The following B9D1 variants were observed in gnomAD, a reference collection of about 807,000 sequenced individuals.
B9D1 encodes B9 domain-containing protein 1.
Under a neutral mutation model 26.1 loss-of-function variants are expected in B9D1, and 20 were observed. That is an observed-to-expected ratio of 0.77 (90% CI 0.54 to 1.12). The LOEUF is 1.12. Ranked by LOEUF, B9D1 falls within the 50% of genes most tolerant of loss-of-function variation. B9D1 has a pLI of 0.00. For synonymous variants in B9D1, 105 were observed against 103.1 expected (o/e 1.02, Z -0.11); for missense variants, 260 against 273.7 (o/e 0.95, Z 0.35).
At chr17:19,358,353 C>T (rs763798958) in intron 2 of B9D1, among the ~76,000 whole-genome samples, 4 of 152,202 alleles carry the variant, frequency 2.6e-5, no homozygotes, top group Non-Finnish European at 5.9e-5. Flanking sequence ...TTCAACTCTG[C>T]GGCTTCTTCC....
chr17:19,337,166 G>A (rs925468100), downstream of B9D1, among the ~76,000 whole-genome samples: 12 of 152,234 alleles, frequency 7.9e-5, no homozygotes, highest in African/African-American at 2.4e-4. Context: ...GAGGGAGTGC[G>A]TGGAGCTGCC....
chr17:19,366,655 A>C (rs974365947), upstream of B9D1, among the ~76,000 whole-genome samples: 1 of 152,084 alleles, frequency 6.6e-6, no homozygotes, highest in Non-Finnish European at 1.5e-5. Flanking sequence ...CAAGTCCCCA[A>C]ATCATTTCTC....
At chr17:19,335,150 T>A (rs1228695368), downstream of B9D1, 1 of 311,398 alleles carries the variant, frequency 3.2e-6, no homozygotes, top group Non-Finnish European at 5.8e-6. Flanking sequence ...GGAATTTGAT[T>A]ACACATAGAT....
chr17:19,353,881 A>G (rs941657959), intron 3 of B9D1, among the ~76,000 whole-genome samples: 2 of 152,150 alleles, frequency 1.3e-5, no homozygotes, highest in Non-Finnish European at 2.9e-5. Flanking sequence ...AGGAGGTTGC[A>G]GTGAGCCGAG....
downstream of B9D1, chr17:19,337,596 G>T (rs566379426): frequency 6.5e-5 from 58 of 891,714 alleles, no homozygotes; most frequent in African/African-American, 9.2e-4. Context: ...GAGAAAGAAG[G>T]GTGTGTGGGA....
In B9D1 at chr17:19,359,441, G is replaced by A. The variant is rs1910759675; in HGVS notation, c.132+879C>T. Among the ~76,000 whole-genome samples the A allele has an allele frequency of 6.6e-6, 1 of 152,152 alleles. No homozygotes were observed. Among genetic ancestry groups the A allele is most frequent in the South Asian group, 2.1e-4 (1 of 4,822 alleles). ...GTTTCTGCCTGGACAGTTCTCACGG[G>A]TTTCCACATGGCTTGTTCCCTCACT... On this transcript the variant is annotated intron_variant, in intron 2 of 6. Transcript: ENST00000261499. The surrounding 1 kb of genome is among the most constrained non-coding windows in gnomAD (Gnocchi z 5.0).
chr17:19,360,206 T>G, intron 2 of B9D1, 114 bp downstream of exon 2: 1 of 1,012,384 alleles, frequency 9.9e-7, no homozygotes, highest in Admixed American at 1.7e-5. Context: ...TGGGTTCCCC[T>G]GAACTCAGTC....
chr17:19,376,538 C>T (rs911276596), intron 1 of B9D1, among the ~76,000 whole-genome samples: 1 of 140,816 alleles, frequency 7.1e-6, no homozygotes, highest in Admixed American at 7.8e-5. Context: ...TTTGGGAGGC[C>T]GGGAGCAGGG....
At position 19,362,585 on chromosome 17, in the gene B9D1, G is replaced by A. The variant is rs748626836; in HGVS notation, c.-16C>T. 17 of 1,587,182 alleles carry A rather than the reference G, an allele frequency of 1.1e-5. No individual in the cohort carries two copies. The South Asian group carries it at 1.8e-4, about 17-fold the overall frequency. ...CGGTCGCCATGGCAGGTCTGGGGGT[G>A]CCGGGGGGACCCACCTAGGCCGCGC... On this transcript the variant is annotated 5_prime_UTR_variant, in exon 1 of 7. Transcript: ENST00000261499.
At chr17:19,360,983 C>T (rs1489462911) in intron 1 of B9D1, among the ~76,000 whole-genome samples, 1 of 152,172 alleles carries the variant, frequency 6.6e-6, no homozygotes. Flanking sequence ...CCCCATTGCT[C>T]GCATGACCAC....
At chr17:19,343,582 A>C in intron 6 of B9D1, 121 bp from the exon 7 acceptor site, 2 of 1,577,248 alleles carry the variant, frequency 1.3e-6, no homozygotes, top group Non-Finnish European at 1.7e-6. Flanking sequence ...GCCTGACCCA[A>C]GCCCCTCACT....
Position 19,370,507 on chromosome 17 carries a change from A to G in B9D1, c.-298+7352T>C, listed in dbSNP as rs954455326. ...GGGAGGCAAACACAGGCCTTGGGGAATGTTCTGGGATGGGCGATGTCAGCC... is the reference window on the plus strand; with the variant it reads ...GGGAGGCAAACACAGGCCTTGGGGAGTGTTCTGGGATGGGCGATGTCAGCC... On this transcript the variant is annotated intron_variant, in intron 1 of 5. Transcript: ENST00000477478. This position sits in a 1 kb window ranked among gnomAD's most constrained non-coding sequence, Gnocchi z 5.1. Among the ~76,000 whole-genome samples, 2 of 152,116 alleles carry G rather than the reference A, an allele frequency of 1.3e-5. No individual in the cohort carries two copies. The highest frequency in any genetic ancestry group is 4.8e-5 in the African/African-American group (2 of 41,420).
chr17:19,353,938 C>T (rs1598073679), intron 3 of B9D1, among the ~76,000 whole-genome samples: 1 of 152,136 alleles, frequency 6.6e-6, no homozygotes, highest in East Asian at 1.9e-4. Context: ...AAAACTCTGT[C>T]TCAAAAAATT....
chr17:19,337,619 C>T (rs1907553123), downstream of B9D1: 7 of 1,160,304 alleles, frequency 6.0e-6, no homozygotes, highest in Non-Finnish European at 8.6e-6. Flanking sequence ...CTCTTGGTTA[C>T]GCTGCAGTAA....
At chr17:19,344,493 G>A in intron 5 of B9D1, 1 of 279,404 alleles carries the variant, frequency 3.6e-6, no homozygotes, top group South Asian at 2.7e-5. Context: ...GGAGGCCGGG[G>A]GTGTCAGGCC....
downstream of B9D1, chr17:19,341,121 G>C (rs964508708): frequency 2.0e-4 from 249 of 1,227,196 alleles, 1 homozygote; most frequent in Non-Finnish European, 2.3e-4. Context: ...AGAAAAATTG[G>C]AAAATTAAAC....
downstream of B9D1, chr17:19,341,051 TGTG>T: frequency 7.7e-6 from 8 of 1,035,328 alleles, no homozygotes; most frequent in Non-Finnish European, 9.8e-6. Flanking sequence ...GTGGTGGGTA[TGTG>T]GTGTTCACTG....
upstream of B9D1, among the ~76,000 whole-genome samples, chr17:19,367,354 CA>C (rs1402751556): frequency 6.6e-6 from 1 of 150,454 alleles, no homozygotes; most frequent in Non-Finnish European, 1.5e-5. Flanking sequence ...TCTTGTTGCC[CA>C]GGCTGGAGTG....
In B9D1 at chr17:19,362,505, A is replaced by T; in HGVS notation, c.63+2T>A. The T allele has an allele frequency of 6.4e-7, 1 of 1,565,638 alleles. No individual in the cohort carries two copies. Among genetic ancestry groups the T allele is most frequent in the Non-Finnish European group, 8.7e-7 (1 of 1,155,222 alleles). ...GCCCCGGCGGGGTCCACGGCCGCTC[A>T]CCTGGGCGCTCTCCACCTGCCCGTT... is the stretch of plus-strand genomic sequence containing the variant. On this transcript the variant is annotated splice_donor_variant, in intron 1 of 6. Transcript: ENST00000261499. LOFTEE classifies it high-confidence loss of function.
Sources: allele counts gnomAD v4.1 joint callset (sites outside exome capture counted in the v4.1 genomes callset), GRCh38; gene constraint gnomAD v4.1.1; non-coding constraint Gnocchi (gnomAD v3.1); transcripts MANE v1.5; gene names NCBI Gene and HGNC (gene_info 2026-07-23, HGNC 2026-07-21).